The following PRKDC variants were observed in gnomAD, a reference collection of about 807,000 sequenced individuals.
The protein encoded by PRKDC is protein kinase, DNA-activated, catalytic subunit.
A neutral mutation model predicts 486.9 loss-of-function variants in PRKDC; 82 were observed. The ratio of observed to expected loss-of-function variants is 0.17; its 90% CI spans 0.14 to 0.20. PRKDC has a LOEUF of 0.20. Among genes scored for constraint, PRKDC ranks in the 10% least tolerant of loss-of-function variants. The pLI is 1.00. For missense variants in PRKDC, 4,504 were observed against 5,038.2 expected (o/e 0.89, Z 3.21); for synonymous variants, 1,895 against 1,837.0 (o/e 1.03, Z -0.81).
intron 71 of PRKDC, among the ~76,000 whole-genome samples, chr8:47,799,909 A>G (rs550694393): frequency 6.6e-6 from 1 of 152,344 alleles, no homozygotes; most frequent in African/African-American, 2.4e-5. Context: ...AGCTGGTGGG[A>G]CGTCTGAATG....
intron 3 of PRKDC, 74 bp downstream of exon 3, chr8:47,957,097 T>A: frequency 1.0e-6 from 1 of 973,678 alleles, no homozygotes; most frequent in East Asian, 2.8e-5. Context: ...AAAATAAAAA[T>A]CCAAGTTCCT....
At position 47,858,869 on chromosome 8, in the gene PRKDC, C is replaced by T. The variant is rs199908344; in HGVS notation, c.6325G>A (p.Gly2109Ser). Residue 2109 changes from glycine to serine, a missense_variant, in exon 47 of 86, where the codon GGC (glycine) becomes AGC (serine). Physicochemically the swap from Gly to Ser is moderately conservative, Grantham distance 56 (BLOSUM62 0). Coordinates refer to ENST00000314191, the MANE Select transcript of PRKDC (RefSeq NM_006904.7). ...ALVKHMHRSLGPPQGEEDSVP... is the reference protein window; with the variant it reads ...ALVKHMHRSLSPPQGEEDSVP... ...AGCACCTCTTCTCCTTGAGGCGGGCCCAGGCTTCTGTGCATGTGCTTGACC... is the reference window on the plus strand; with the variant it reads ...AGCACCTCTTCTCCTTGAGGCGGGCTCAGGCTTCTGTGCATGTGCTTGACC... 190 of 1,613,720 alleles carry T rather than the reference C, an allele frequency of 1.2e-4. No homozygotes were observed. The East Asian group carries it at 1.4e-3, about 12-fold the overall frequency.
At chr8:47,930,843 A>G in intron 16 of PRKDC, 56 bp from the exon 17 acceptor site, 1 of 1,473,136 alleles carries the variant, frequency 6.8e-7, no homozygotes, top group Non-Finnish European at 9.1e-7. Context: ...GAATCACTCA[A>G]CAAATAACTT....
intron 63 of PRKDC, among the ~76,000 whole-genome samples, chr8:47,825,444 G>A (rs1208649182): frequency 6.8e-6 from 1 of 147,000 alleles, no homozygotes; most frequent in Non-Finnish European, 1.5e-5. Context: ...GGGAGGTGGA[G>A]GTTGCAGTGA....
At chr8:47,813,310 G>T (rs1410207502) in intron 68 of PRKDC, among the ~76,000 whole-genome samples, 2 of 151,878 alleles carry the variant, frequency 1.3e-5, no homozygotes, top group South Asian at 2.1e-4. Context: ...TAGAGGCAGG[G>T]CTTCACCATA....
In PRKDC at chr8:47,803,333, T is replaced by C. The variant is rs1299359038; in HGVS notation, c.9895A>G (p.Thr3299Ala). 2.5e-6 allele frequency: 4 copies of C among 1,613,494 alleles called. No homozygotes were observed. In the East Asian group the frequency reaches 8.9e-5, roughly 36 times the overall value. ...AACAAAGAGACTGTTTTCAGCACAGTGAGCACCTGCTCAGAGCAGCCCTGG... is the reference window on the plus strand; with the variant it reads ...AACAAAGAGACTGTTTTCAGCACAGCGAGCACCTGCTCAGAGCAGCCCTGG... The part of the protein sequence containing the change: ...RSQGCSEQVL[T>A]VLKTVSLLDE... Residue 3299 changes from threonine (T) to alanine (A), a missense_variant, in exon 70 of 86, where the codon ACT (threonine) becomes GCT (alanine). Physicochemically the swap from Thr to Ala is moderately conservative, Grantham distance 58. This residue lies in a region of PRKDC where 1,592 missense variants were observed against 1,724.6 expected (regional missense o/e 0.92). Transcript: ENST00000314191.
At chr8:47,886,605 T>C (rs538997935) in intron 35 of PRKDC, among the ~76,000 whole-genome samples, 2 of 152,328 alleles carry the variant, frequency 1.3e-5, no homozygotes, top group East Asian at 3.9e-4. Context: ...TAGTTCAGGC[T>C]GGTCTCGAAC....
Position 47,853,944 on chromosome 8 carries a change from G to T in PRKDC, c.6893+139C>A, listed in dbSNP as rs2088475703. ...GCCTCTCAAACGTGTTAGAATTACA[G>T]GCATGAGCCACCGTGCCTGGCCCAG... On this transcript the variant is annotated intron_variant, in intron 51 of 85. Transcript: ENST00000314191. 5 of 1,121,922 alleles carry T rather than the reference G, an allele frequency of 4.5e-6. No homozygotes were observed. In the Admixed American group the frequency reaches 7.7e-5, roughly 17 times the overall value. 69.5% of individuals were successfully genotyped at this position (1,121,922 alleles called of 1,614,324 possible). A position where few individuals can be genotyped will look rare whatever the true frequency, so the allele number is the denominator to read the frequency against.
intron 68 of PRKDC, 105 bp from the exon 69 acceptor site, chr8:47,807,431 T>A: frequency 9.7e-7 from 1 of 1,032,000 alleles, no homozygotes; most frequent in Non-Finnish European, 1.4e-6. Context: ...TTGTTCTTTT[T>A]TTTTTGAGAT....
intron 54 of PRKDC, among the ~76,000 whole-genome samples, chr8:47,843,215 C>T (rs923466596): frequency 6.6e-6 from 1 of 152,042 alleles, no homozygotes; most frequent in African/African-American, 2.4e-5. Context: ...ACTGAACTTC[C>T]GGTTTTGAAA....
At chr8:47,911,229 C>A (rs1265029225) in intron 25 of PRKDC, among the ~76,000 whole-genome samples, 1 of 152,194 alleles carries the variant, frequency 6.6e-6, no homozygotes, top group African/African-American at 2.4e-5. Flanking sequence ...GAACACCAGG[C>A]TCTGTCCATG....
intron 68 of PRKDC, 86 bp from the exon 69 acceptor site, chr8:47,807,412 A>T: frequency 3.3e-6 from 4 of 1,199,144 alleles, no homozygotes; most frequent in Non-Finnish European, 4.6e-6. Flanking sequence ...TCTAAACCTT[A>T]GTAAATGTTT....
intron 25 of PRKDC, among the ~76,000 whole-genome samples, chr8:47,907,138 C>T (rs2089799282): frequency 1.3e-5 from 2 of 150,766 alleles, no homozygotes; most frequent in South Asian, 2.1e-4. Flanking sequence ...CCTCCCGGGT[C>T]CACGCCATTC....
intron 54 of PRKDC, among the ~76,000 whole-genome samples, chr8:47,846,618 C>T (rs776539261): frequency 2.6e-5 from 4 of 152,250 alleles, no homozygotes; most frequent in Non-Finnish European, 5.9e-5. Context: ...CCACTCTCAT[C>T]ACTCCTATTC....
intron 7 of PRKDC, among the ~76,000 whole-genome samples, chr8:47,951,968 A>C (rs1477656104): frequency 1.3e-5 from 2 of 152,174 alleles, no homozygotes; most frequent in Non-Finnish European, 2.9e-5. Flanking sequence ...AGAAAATGAC[A>C]AGTTAGTAAG....
rs559933995 is a variant in PRKDC at position 47,896,858 on chromosome 8, C to T, written c.3598+303G>A. On this transcript the variant is annotated intron_variant, in intron 30 of 85. Transcript: ENST00000314191. ...GACAAAACTGAGCAATACATTTATTCCTGAGAAACTTGTCATTATTTCAGT... is the reference window on the plus strand; with the variant it reads ...GACAAAACTGAGCAATACATTTATTTCTGAGAAACTTGTCATTATTTCAGT... Among the ~76,000 whole-genome samples the T allele has an allele frequency of 5.9e-5, 9 of 152,238 alleles. No homozygotes were observed. In the South Asian group the frequency reaches 1.9e-3, roughly 32 times the overall value.
chr8:47,948,058 G>A (rs2090563510), intron 7 of PRKDC, among the ~76,000 whole-genome samples: 1 of 150,622 alleles, frequency 6.6e-6, no homozygotes, highest in Non-Finnish European at 1.5e-5. Flanking sequence ...ACTACAGCCT[G>A]GATAACAAAG....
At chr8:47,865,555 ATAAAT>A (rs2088789454) in intron 40 of PRKDC, among the ~76,000 whole-genome samples, 2 of 152,312 alleles carry the variant, frequency 1.3e-5, no homozygotes, top group African/African-American at 4.8e-5. Context: ...CTATAAATCT[ATAAAT>A]TAAGAATGCA....
rs56174867 is a variant in PRKDC, at chr8:47,957,470, A to T, written c.155-39T>A. The stretch of plus-strand genomic sequence containing the variant: ...TAAGTAAACAAGTTAAGAGAGTGCC[A>T]AGAGCATCATGTAAACCACTCCTAA... On this transcript the variant is annotated intron_variant, in intron 1 of 85. Coordinates refer to ENST00000314191, the MANE Select transcript of PRKDC (RefSeq NM_006904.7). 832 of 1,497,974 alleles carry T rather than the reference A, an allele frequency of 5.6e-4. 9 individuals carry two copies. The East Asian group carries it at 0.015, about 27-fold the overall frequency. 92.8% of individuals were successfully genotyped at this position (1,497,974 alleles called of 1,614,324 possible).
Sources: allele counts gnomAD v4.1 joint callset (sites outside exome capture counted in the v4.1 genomes callset), GRCh38; gene constraint gnomAD v4.1.1; regional missense constraint gnomAD v4.1.1; transcripts MANE v1.5; gene names NCBI Gene and HGNC (gene_info 2026-07-23, HGNC 2026-07-21).